TMEM82: variants seen among roughly 807,000 people sequenced by gnomAD.
TMEM82 encodes transmembrane protein 82.
Under a neutral mutation model 29.2 loss-of-function variants are expected in TMEM82, and 30 were observed. The ratio of observed to expected loss-of-function variants is 1.03; its 90% CI spans 0.77 to 1.39. TMEM82 has a LOEUF of 1.39. Among genes scored for constraint, TMEM82 ranks in the 40% most tolerant of loss-of-function variants. TMEM82 has a pLI of 0.00. For missense variants in TMEM82, 442 were observed against 447.7 expected, an observed-to-expected ratio of 0.99 and a Z score of 0.12; for synonymous variants, 221 against 225.4, an observed-to-expected ratio of 0.98 and a Z score of 0.18.
In TMEM82 at chr1:15,747,834, T is replaced by C. The variant is rs2068350343; in HGVS notation, c.*202T>C. ...AGAGGGGACACCTGGGGACCCCTGG[T>C]TGAACCCTCTTTTTCTTGGGGTGGG... On this transcript the variant is annotated 3_prime_UTR_variant, in exon 6 of 6. Coordinates refer to ENST00000375782, the MANE Select transcript of TMEM82 (RefSeq NM_001013641.3). 2.1e-6 allele frequency: 1 copy of C among 481,958 alleles called. No individual in the cohort carries two copies. Among genetic ancestry groups the C allele is most frequent in the Non-Finnish European group, 3.6e-6 (1 of 274,504 alleles). The allele number at this position is 481,958 out of a possible 1,614,324, so 29.9% of individuals were successfully genotyped here.
rs1254181968 is a variant in TMEM82, at chr1:15,742,508, G to A, written c.-52G>A. 4.9e-6 allele frequency: 7 copies of A among 1,418,312 alleles called. No homozygotes were observed. Among genetic ancestry groups the A allele is most frequent in the South Asian group, 1.4e-5 (1 of 72,028 alleles). 87.9% of individuals were successfully genotyped at this position (1,418,312 alleles called of 1,614,324 possible). On this transcript the variant is annotated 5_prime_UTR_variant, in exon 1 of 6. Coordinates refer to ENST00000375782, the MANE Select transcript of TMEM82 (RefSeq NM_001013641.3). ...CCGACACCTTTGCCCAGTGACGTTG[G>A]TCTGTCCTTACGCAGACCTGGCCGG...
At chr1:15,745,883 C>T (rs2068331302) in intron 4 of TMEM82, among the ~76,000 whole-genome samples, 1 of 134,792 alleles carries the variant, frequency 7.4e-6, no homozygotes, top group African/African-American at 3.0e-5. Flanking sequence ...GGCGAAACTC[C>T]ATCTCAAACA....
rs769445467 is a variant in TMEM82 at position 15,744,329 on chromosome 1, G to A, written c.506G>A (p.Arg169His). The A allele has an allele frequency of 1.0e-5, 16 of 1,542,962 alleles. No individual in the cohort carries two copies. The highest frequency in any genetic ancestry group is 3.9e-5 in the Admixed American group (2 of 51,372). ...LATLLGLGAR[R>H]LHRHVCRLYE... is the part of the protein sequence containing the mutation. ...ACGCTGCTGGGCCTGGGTGCCCGGC[G>A]CCTCCACCGCCACGTCTGCCGCCTC... Residue 169 changes from arginine to histidine, a missense_variant, in exon 4 of 6, where the codon CGC (arginine) becomes CAC (histidine). By Grantham distance (29) the Arg-to-His change is conservative. Transcript: ENST00000375782. The surrounding 1 kb of genome is among the most constrained non-coding windows in gnomAD (Gnocchi z 5.2).
chr1:15,743,008 C>G lies in TMEM82; in HGVS notation c.162-12C>G, dbSNP rs1399148547. On this transcript the variant is annotated splice_polypyrimidine_tract_variant and intron_variant, in intron 2 of 5. Transcript: ENST00000375782. ...TTCTGCACCCCTGCCCACACCCATT[C>G]TGTCCCCAAAGTGACCCGCAGCGGC... 2 of 1,599,258 alleles carry G rather than the reference C, an allele frequency of 1.3e-6. No individual in the cohort carries two copies. The highest frequency in any genetic ancestry group is 1.3e-5 in the African/African-American group (1 of 74,840).
chr1:15,747,117 C>G lies in TMEM82; in HGVS notation c.945+63C>G, dbSNP rs1473347943. 1.0e-5 allele frequency: 16 copies of G among 1,528,714 alleles called. No individual in the cohort carries two copies. The East Asian group carries it at 2.5e-4, about 24-fold the overall frequency. 94.7% of individuals were successfully genotyped at this position (1,528,714 alleles called of 1,614,324 possible). A position where few individuals can be genotyped will look rare whatever the true frequency, so the allele number is the denominator to read the frequency against. On this transcript the variant is annotated intron_variant, in intron 5 of 5. Transcript: ENST00000375782. ...ACCCTGCTTCAAACAGCCCAGGAGC[C>G]TCAAGAGGCTCAAGTTTAAGAAGAG...
intron 3 of TMEM82, among the ~76,000 whole-genome samples, chr1:15,743,434 C>T (rs966662067): frequency 1.5e-4 from 23 of 152,364 alleles, no homozygotes; most frequent in Middle Eastern, 3.4e-3. Context: ...GTAGATCCGG[C>T]CCCCCAAATG....
chr1:15,743,244 C>CG (rs1286982628), intron 3 of TMEM82, 50 bp downstream of exon 3: 2 of 1,552,750 alleles, frequency 1.3e-6, no homozygotes, highest in African/African-American at 2.7e-5. Flanking sequence ...GCCCAGGGCC[C>CG]GGGCTCACCC....
rs774678136 is a variant in TMEM82 at position 15,747,534 on chromosome 1, G to A, written c.946-12G>A. 2.8e-5 allele frequency: 45 copies of A among 1,612,914 alleles called. No homozygotes were observed. Among genetic ancestry groups the A allele is most frequent in the African/African-American group, 5.3e-5 (4 of 74,898 alleles). ...GTGAATGGGTGGTGTCATTCTCAAC[G>A]CTTTTCCTCAGGATTTTCCATCCCA... On this transcript the variant is annotated splice_polypyrimidine_tract_variant and intron_variant, in intron 5 of 5. Coordinates refer to ENST00000375782, the MANE Select transcript of TMEM82 (RefSeq NM_001013641.3).
chr1:15,747,560 G>C lies in TMEM82; in HGVS notation c.960G>C (p.Gln320His). 1.2e-6 allele frequency: 2 copies of C among 1,614,082 alleles called. No homozygotes were observed. The highest frequency in any genetic ancestry group is 2.2e-5 in the South Asian group (2 of 91,078). The change falls in exon 6 of 6, where the codon CAG (glutamine) becomes CAC (histidine). Residue 320 changes from glutamine to histidine, a missense_variant. Coordinates refer to ENST00000375782, the MANE Select transcript of TMEM82 (RefSeq NM_001013641.3). ...CTTTTCCTCAGGATTTTCCATCCCA[G>C]AGGCCTCCAGTGTCAACACCAAGCC... ...DLCQIQDFPS[Q>H]RPPVSTPSQP...
intron 1 of TMEM82, 35 bp from the exon 2 acceptor site, chr1:15,742,799 GC>G: frequency 6.2e-7 from 1 of 1,600,388 alleles, no homozygotes; most frequent in Non-Finnish European, 8.5e-7. Flanking sequence ...TAACACCCCT[GC>G]ACGCTGCCTC....
At position 15,744,139 on chromosome 1, in the gene TMEM82, C is replaced by G. The variant is rs372384300; in HGVS notation, c.337-21C>G. ...GTGAGGCAGCCCCCACATCTCGGCCCCTCTTCGGCACTCCCCGCAGGGCTC... is the reference window on the plus strand; with the variant it reads ...GTGAGGCAGCCCCCACATCTCGGCCGCTCTTCGGCACTCCCCGCAGGGCTC... On this transcript the variant is annotated intron_variant, in intron 3 of 5. Transcript: ENST00000375782. This position sits in a 1 kb window ranked among gnomAD's most constrained non-coding sequence, Gnocchi z 5.2. The G allele has an allele frequency of 2.7e-5, 40 of 1,487,170 alleles. 1 individual carries two copies. In the South Asian group the frequency reaches 5.2e-4, roughly 19 times the overall value. The allele number at this position is 1,487,170 out of a possible 1,614,324, so 92.1% of individuals were successfully genotyped here.
rs756377471 is a variant in TMEM82 at position 15,747,551 on chromosome 1, T to G, written c.951T>G (p.Phe317Leu). 1.9e-5 allele frequency: 31 copies of G among 1,613,914 alleles called. No individual in the cohort carries two copies. In the South Asian group the frequency reaches 3.4e-4, roughly 18 times the overall value. ...TTCTCAACGCTTTTCCTCAGGATTT[T>G]CCATCCCAGAGGCCTCCAGTGTCAA... ...TLLDLCQIQD[F>L]PSQRPPVSTP... The change falls in exon 6 of 6, where the codon TTT (phenylalanine) becomes TTG (leucine). Residue 317 changes from phenylalanine (F) to leucine (L), a missense_variant. Phe to Leu is a conservative substitution (Grantham distance 22). Transcript: ENST00000375782.
In TMEM82 at chr1:15,744,519, G is replaced by T; in HGVS notation, c.696G>T (p.Glu232Asp). Residue 232 changes from glutamate to aspartate, a missense_variant, in exon 4 of 6, where the codon GAG becomes GAT. Physicochemically the swap from Glu to Asp is conservative, Grantham distance 45. Transcript: ENST00000375782. The surrounding 1 kb of genome is among the most constrained non-coding windows in gnomAD (Gnocchi z 5.2). The part of the protein sequence containing the change: ...LINQDFLTTS[E>D]AMRFWTPLTI... ...ACCAGGACTTCCTGACCACCTCGGAGGCCATGCGGTTCTGGACACCGCTCA... is the reference window on the plus strand; with the variant it reads ...ACCAGGACTTCCTGACCACCTCGGATGCCATGCGGTTCTGGACACCGCTCA... 6.2e-7 allele frequency: 1 copy of T among 1,612,580 alleles called. No individual in the cohort carries two copies. The highest frequency in any genetic ancestry group is 8.5e-7 in the Non-Finnish European group (1 of 1,179,888).
Position 15,744,646 on chromosome 1 carries a change from G to A in TMEM82, c.757+66G>A. 6.1e-6 allele frequency: 9 copies of A among 1,486,016 alleles called. No individual in the cohort carries two copies. The highest frequency in any genetic ancestry group is 8.1e-6 in the Non-Finnish European group (9 of 1,110,972). 92.1% of individuals were successfully genotyped at this position (1,486,016 alleles called of 1,614,324 possible). ...CCCTCTGTCTGGGTCAGGCTCCGGG[G>A]AGGCCGAGAGCCATCAGCCCTCACT... On this transcript the variant is annotated intron_variant, in intron 4 of 5. Coordinates refer to ENST00000375782, the MANE Select transcript of TMEM82 (RefSeq NM_001013641.3). This position sits in a 1 kb window ranked among gnomAD's most constrained non-coding sequence, Gnocchi z 5.2.
At chr1:15,743,728 C>T (rs1286129837) in intron 3 of TMEM82, among the ~76,000 whole-genome samples, 3 of 151,986 alleles carry the variant, frequency 2.0e-5, no homozygotes, top group Non-Finnish European at 2.9e-5. Flanking sequence ...CCGAGGCAGG[C>T]GGATCACCTG....
intron 3 of TMEM82, among the ~76,000 whole-genome samples, chr1:15,743,956 C>G (rs1234033298): frequency 6.6e-6 from 1 of 151,480 alleles, no homozygotes; most frequent in African/African-American, 2.4e-5. Context: ...CAGAGCAAGA[C>G]TCTGTCTAAA....
In TMEM82 at chr1:15,747,146, G is replaced by T. The variant is rs528202905; in HGVS notation, c.945+92G>T. On this transcript the variant is annotated intron_variant, in intron 5 of 5. Coordinates refer to ENST00000375782, the MANE Select transcript of TMEM82 (RefSeq NM_001013641.3). ...AGAGGCTCAAGTTTAAGAAGAGCCA[G>T]CTGGGCACGGTCTCTCACACCTGTA... 6 of 1,360,858 alleles carry T rather than the reference G, an allele frequency of 4.4e-6. No individual in the cohort carries two copies. The South Asian group carries it at 6.6e-5, about 15-fold the overall frequency. The allele number at this position is 1,360,858 out of a possible 1,614,324, so 84.3% of individuals were successfully genotyped here.
In TMEM82 at chr1:15,747,684, C is replaced by T. The variant is rs772669798; in HGVS notation, c.*52C>T. The T allele has an allele frequency of 1.4e-5, 21 of 1,528,514 alleles. No individual in the cohort carries two copies. Among genetic ancestry groups the T allele is most frequent in the East Asian group, 6.9e-5 (3 of 43,744 alleles). 94.7% of individuals were successfully genotyped at this position (1,528,514 alleles called of 1,614,324 possible). ...GTCTCAAGCCCACTAGCCTGATCTC[C>T]GAGGCCTTGACCCCAGGGCGATGCC... On this transcript the variant is annotated 3_prime_UTR_variant, in exon 6 of 6. Coordinates refer to ENST00000375782, the MANE Select transcript of TMEM82 (RefSeq NM_001013641.3).
rs374096554 is a variant in TMEM82 at position 15,744,558 on chromosome 1, G to A, written c.735G>A (p.Thr245=). The A allele has an allele frequency of 4.7e-5, 76 of 1,610,342 alleles. No individual in the cohort carries two copies. The African/African-American group carries it at 7.2e-4, about 15-fold the overall frequency. ...RFWTPLTICY[T]LLVIYMQEEQ... is the part of the protein sequence containing the mutation. The stretch of plus-strand genomic sequence containing the variant: ...GGACACCGCTCACCATCTGCTACAC[G>A]CTGCTGGTCATCTACATGCAGGGTG... The change falls in exon 4 of 6, where the codon ACG becomes ACA. Residue 245 remains threonine (T), a synonymous_variant. Coordinates refer to ENST00000375782, the MANE Select transcript of TMEM82 (RefSeq NM_001013641.3). This position sits in a 1 kb window ranked among gnomAD's most constrained non-coding sequence, Gnocchi z 5.2.
Sources: allele counts gnomAD v4.1 joint callset (sites outside exome capture counted in the v4.1 genomes callset), GRCh38; gene constraint gnomAD v4.1.1; non-coding constraint Gnocchi (gnomAD v3.1); transcripts MANE v1.5; gene names NCBI Gene and HGNC (gene_info 2026-07-23, HGNC 2026-07-21).